The following GRIN2A variants were observed in gnomAD, a reference collection of about 807,000 sequenced individuals.
GRIN2A encodes the protein glutamate receptor ionotropic, NMDA 2A.
In GRIN2A, 22 loss-of-function variants were observed where a neutral mutation model predicts 113.4. That is an observed-to-expected ratio of 0.19 (90% CI 0.14 to 0.28). The LOEUF (loss-of-function observed/expected upper bound fraction) is 0.28. GRIN2A is among the 10% of genes least tolerant of loss of function. The probability of loss-of-function intolerance (pLI) is 1.00; values close to 1 mark genes in which losing one functional copy is unlikely to be tolerated. For synonymous variants in GRIN2A, 827 were observed against 738.4 expected (o/e 1.12, Z -1.94); for missense variants, 1,502 against 1,887.0 (o/e 0.80, Z 3.78).
chr16:10,104,278 A>T (rs2048452760), intron 2 of GRIN2A, among the ~76,000 whole-genome samples: 1 of 152,212 alleles, frequency 6.6e-6, no homozygotes, highest in African/African-American at 2.4e-5. Flanking sequence ...CCAGGAGAGA[A>T]AAGAGAAAAG....
intron 2 of GRIN2A, among the ~76,000 whole-genome samples, chr16:10,089,396 C>G (rs1470682034): frequency 6.6e-6 from 1 of 152,090 alleles, no homozygotes; most frequent in East Asian, 1.9e-4. Flanking sequence ...AACTATACCT[C>G]AAAGCTTTAT....
At chr16:9,922,305 G>T (rs960832310) in intron 3 of GRIN2A, among the ~76,000 whole-genome samples, 1 of 150,980 alleles carries the variant, frequency 6.6e-6, no homozygotes, top group East Asian at 1.9e-4. Flanking sequence ...CCATCAATCT[G>T]CAGATTTAAA....
At chr16:10,106,212 G>GTTTTTTTTTTT (rs71402429) in intron 2 of GRIN2A, among the ~76,000 whole-genome samples, 3 of 140,978 alleles carry the variant, frequency 2.1e-5, no homozygotes, top group Non-Finnish European at 4.6e-5. Context: ...TTGGGGAAGT[G>GTTTTTTTTTTT]TTTTTTTTTT....
rs1373584653 is a variant in GRIN2A, at chr16:9,763,185, C to T, written c.4359G>A (p.Val1453=). Residue 1453 remains valine (V), a synonymous_variant, in exon 13 of 13, where the codon GTG becomes GTA. Coordinates refer to ENST00000330684, the MANE Select transcript of GRIN2A (RefSeq NM_001134407.3). ...ATTCGATACTAGGCATTTTCTTGTA[C>T]ACGCGTCTATTGCTGCAGGAATTTA... The part of the protein sequence containing the change: ...RVLNSCSNRR[V]YKKMPSIESD... The T allele has an allele frequency of 6.2e-7, 1 of 1,613,908 alleles. No individual in the cohort carries two copies. Among genetic ancestry groups the T allele is most frequent in the East Asian group, 2.2e-5 (1 of 44,878 alleles).
Position 9,754,776 on chromosome 16 carries a change from G to A in GRIN2A, c.*8373C>T, listed in dbSNP as rs1900289820. 2.3e-5 allele frequency: 5 copies of A among 220,216 alleles called. No homozygotes were observed. In the East Asian group the frequency reaches 3.3e-4, roughly 15 times the overall value. The allele number at this position is 220,216 out of a possible 1,614,324, so 13.6% of individuals were successfully genotyped here. On this transcript the variant is annotated 3_prime_UTR_variant, in exon 13 of 13. Coordinates refer to ENST00000330684, the MANE Select transcript of GRIN2A (RefSeq NM_001134407.3). Reference sequence around the variant, plus strand: ...CGATTGAATTCAAAAGGCTATGATTGTTTTTCATGGAAAAAAAAAGACAAT... The same window carrying A: ...CGATTGAATTCAAAAGGCTATGATTATTTTTCATGGAAAAAAAAAGACAAT...
At chr16:10,088,650 T>C (rs1034902536) in intron 2 of GRIN2A, among the ~76,000 whole-genome samples, 2 of 152,240 alleles carry the variant, frequency 1.3e-5, no homozygotes, top group Admixed American at 6.5e-5. Flanking sequence ...GAGGAGTTTC[T>C]ACTCAAAGGA....
At chr16:9,993,474 G>T (rs2046165535) in intron 2 of GRIN2A, among the ~76,000 whole-genome samples, 1 of 151,884 alleles carries the variant, frequency 6.6e-6, no homozygotes. Context: ...GAGGATCACT[G>T]TAGCCCAGGA....
At chr16:10,115,584 C>T (rs2048715675) in intron 2 of GRIN2A, among the ~76,000 whole-genome samples, 1 of 152,222 alleles carries the variant, frequency 6.6e-6, no homozygotes, top group South Asian at 2.1e-4. Flanking sequence ...TATCAGAGCC[C>T]AGCAGTTGTG....
chr16:9,911,873 T>G (rs141867157), intron 3 of GRIN2A, among the ~76,000 whole-genome samples: 3 of 152,322 alleles, frequency 2.0e-5, no homozygotes, highest in Admixed American at 1.3e-4. Flanking sequence ...CCACCCTTAG[T>G]CAAGCTGAAA....
intron 7 of GRIN2A, among the ~76,000 whole-genome samples, chr16:9,835,051 G>T (rs549709985): frequency 6.6e-6 from 1 of 152,138 alleles, no homozygotes; most frequent in African/African-American, 2.4e-5. Context: ...TAACCTGTTG[G>T]AAAAGAATTA....
intron 9 of GRIN2A, among the ~76,000 whole-genome samples, chr16:9,824,429 T>C (rs1329292142): frequency 6.6e-6 from 1 of 152,224 alleles, no homozygotes; most frequent in Non-Finnish European, 1.5e-5. Flanking sequence ...TCCAGAGATA[T>C]CCGGAGATGG....
intron 3 of GRIN2A, among the ~76,000 whole-genome samples, chr16:9,921,951 G>A (rs571081952): frequency 2.6e-5 from 4 of 152,154 alleles, no homozygotes; most frequent in Admixed American, 2.0e-4. Flanking sequence ...TTTTGATTTT[G>A]TAAAACCAGT....
At chr16:9,772,858 T>G (rs1901356792) in intron 11 of GRIN2A, among the ~76,000 whole-genome samples, 2 of 142,214 alleles carry the variant, frequency 1.4e-5, no homozygotes, top group South Asian at 4.5e-4. Flanking sequence ...GATTTCCTTC[T>G]GCCCTTTGCC....
intron 2 of GRIN2A, among the ~76,000 whole-genome samples, chr16:10,044,579 GATT>G (rs1251817081): frequency 1.3e-5 from 2 of 150,522 alleles, no homozygotes; most frequent in Non-Finnish European, 3.0e-5. Context: ...ATTGCTTTAT[GATT>G]ATTTGCTTTT....
intron 4 of GRIN2A, among the ~76,000 whole-genome samples, chr16:9,888,345 A>G (rs2141475106): frequency 6.6e-6 from 1 of 152,300 alleles, no homozygotes; most frequent in Non-Finnish European, 1.5e-5. Flanking sequence ...TGGTTTAAGA[A>G]ATCTGAGGCT....
chr16:9,786,119 C>T (rs896005149), intron 11 of GRIN2A, among the ~76,000 whole-genome samples: 3 of 152,172 alleles, frequency 2.0e-5, no homozygotes, highest in Non-Finnish European at 4.4e-5. Context: ...GATTAAAACA[C>T]GTTTAGCAAG....
chr16:10,068,720 T>C (rs915893392), intron 2 of GRIN2A, among the ~76,000 whole-genome samples: 1 of 152,142 alleles, frequency 6.6e-6, no homozygotes, highest in Non-Finnish European at 1.5e-5. Flanking sequence ...TAATAGATAA[T>C]GTACAAACCA....
intron 5 of GRIN2A, among the ~76,000 whole-genome samples, chr16:9,841,820 A>G (rs2042685235): frequency 6.6e-6 from 1 of 152,248 alleles, no homozygotes; most frequent in South Asian, 2.1e-4. Flanking sequence ...TAAAGACCCC[A>G]TTAAAATTTA....
intron 10 of GRIN2A, among the ~76,000 whole-genome samples, chr16:9,814,230 C>A (rs1285721617): frequency 1.3e-5 from 2 of 152,206 alleles, no homozygotes; most frequent in African/African-American, 2.4e-5. Flanking sequence ...TGAACCATAA[C>A]CCCGTATTTC....
Sources: gnomAD v4.1 joint callset for allele counts (sites outside exome capture counted in the v4.1 genomes callset) on GRCh38, gnomAD v4.1.1 for gene constraint, MANE v1.5 for transcripts, NCBI Gene and HGNC (gene_info 2026-07-23, HGNC 2026-07-21) for gene names.